Variants in SLC30A8 observed in about 807,000 individuals in gnomAD.
SLC30A8 encodes solute carrier family 30 member 8.
Under a neutral mutation model 36.9 loss-of-function variants are expected in SLC30A8, and 27 were observed. The observed-to-expected ratio is 0.73, with a 90% CI of 0.54 to 1.01. The LOEUF is 1.01. Ranked by LOEUF, SLC30A8 falls within the 50% of genes least tolerant of loss-of-function variation. SLC30A8 has a pLI of 0.00. For synonymous variants in SLC30A8, 164 were observed against 172.4 expected, an observed-to-expected ratio of 0.95 and a Z score of 0.38; for missense variants, 439 against 452.0, an observed-to-expected ratio of 0.97 and a Z score of 0.26.
At chr8:117,072,693 A>G (rs1818367484) in intron 2 of SLC30A8, among the ~76,000 whole-genome samples, 1 of 152,144 alleles carries the variant, frequency 6.6e-6, no homozygotes, top group Non-Finnish European at 1.5e-5. Flanking sequence ...GATGTTTTAT[A>G]GACCCATCTA....
intron 1 of SLC30A8, among the ~76,000 whole-genome samples, chr8:116,987,191 A>AG (rs1251593143): frequency 6.7e-6 from 1 of 149,854 alleles, no homozygotes; most frequent in Non-Finnish European, 1.5e-5. Context: ...TTTTATAATT[A>AG]GGGGAAGGTT....
intron 1 of SLC30A8, among the ~76,000 whole-genome samples, chr8:116,991,197 A>C (rs1317434814): frequency 6.6e-6 from 1 of 152,138 alleles, no homozygotes; most frequent in Non-Finnish European, 1.5e-5. Context: ...TTTTCCTTGC[A>C]CTTTTACTCT....
At chr8:117,101,671 C>T (rs572076235) in intron 2 of SLC30A8, among the ~76,000 whole-genome samples, 7 of 152,214 alleles carry the variant, frequency 4.6e-5, no homozygotes, top group African/African-American at 1.7e-4. Context: ...GACCCACCCT[C>T]AATCTAGGTG....
intron 1 of SLC30A8, among the ~76,000 whole-genome samples, chr8:117,031,878 T>G (rs1817062419): frequency 6.6e-6 from 1 of 152,088 alleles, no homozygotes; most frequent in Non-Finnish European, 1.5e-5. Flanking sequence ...TGTTGGGGAG[T>G]GGGCTGCTCT....
chr8:117,003,202 G>A (rs1816071516), intron 1 of SLC30A8, among the ~76,000 whole-genome samples: 1 of 152,120 alleles, frequency 6.6e-6, no homozygotes, highest in Non-Finnish European at 1.5e-5. Context: ...AGACCACAGT[G>A]GTTAATATGG....
intron 1 of SLC30A8, among the ~76,000 whole-genome samples, chr8:117,019,232 C>T (rs1292745568): frequency 1.3e-5 from 2 of 152,188 alleles, no homozygotes. Flanking sequence ...CTGGCAATAG[C>T]TGAAGCTCAA....
chr8:117,039,082 T>C (rs762777580), intron 1 of SLC30A8: 9 of 152,234 alleles, frequency 5.9e-5, no homozygotes, highest in Non-Finnish European at 1.3e-4. Flanking sequence ...TAATAAATGA[T>C]GATTTATTCC....
chr8:117,075,988 C>G (rs902428118), intron 2 of SLC30A8, among the ~76,000 whole-genome samples: 9 of 152,202 alleles, frequency 5.9e-5, no homozygotes, highest in Admixed American at 4.6e-4. Context: ...AATTTCCTCT[C>G]TCATTACTTT....
intron 2 of SLC30A8, among the ~76,000 whole-genome samples, chr8:117,084,540 C>T (rs1163525241): frequency 6.6e-6 from 1 of 152,162 alleles, no homozygotes; most frequent in Non-Finnish European, 1.5e-5. Context: ...GTCCATTGGT[C>T]AAGCCAAGCT....
intron 2 of SLC30A8, among the ~76,000 whole-genome samples, chr8:117,052,033 G>A (rs977273712): frequency 6.6e-5 from 10 of 151,982 alleles, no homozygotes; most frequent in Non-Finnish European, 2.9e-5. Flanking sequence ...TTTTGGAGAC[G>A]GAGTTCCACT....
intron 1 of SLC30A8, among the ~76,000 whole-genome samples, chr8:117,008,566 G>A (rs899012489): frequency 2.0e-5 from 3 of 152,212 alleles, no homozygotes; most frequent in Non-Finnish European, 4.4e-5. Flanking sequence ...AGATTGATAT[G>A]TCAAATGGTC....
At chr8:116,987,028 A>G (rs1815467857) in intron 1 of SLC30A8, among the ~76,000 whole-genome samples, 1 of 152,164 alleles carries the variant, frequency 6.6e-6, no homozygotes, top group African/African-American at 2.4e-5. Flanking sequence ...AAGTAAAGAC[A>G]CAATATGATA....
intron 1 of SLC30A8, among the ~76,000 whole-genome samples, chr8:117,139,189 T>A (rs1242297575): frequency 6.6e-6 from 1 of 152,086 alleles, no homozygotes; most frequent in African/African-American, 2.4e-5. Context: ...GATTGAATGT[T>A]TATGTCCCCC....
chr8:116,954,392 T>C (rs1034908496), intron 1 of SLC30A8, among the ~76,000 whole-genome samples: 2 of 152,066 alleles, frequency 1.3e-5, no homozygotes, highest in African/African-American at 4.8e-5. Flanking sequence ...AGGAATTGGA[T>C]AGAATCATCA....
chr8:117,136,160 T>C (rs1290208996), intron 1 of SLC30A8, among the ~76,000 whole-genome samples: 2 of 151,970 alleles, frequency 1.3e-5, no homozygotes, highest in Non-Finnish European at 2.9e-5. Context: ...GGAAGCTTTC[T>C]CAGAAGTAAT....
chr8:117,073,335 C>T (rs1357820685), intron 2 of SLC30A8, among the ~76,000 whole-genome samples: 4 of 151,684 alleles, frequency 2.6e-5, no homozygotes, highest in African/African-American at 9.7e-5. Context: ...CGGCTCACTG[C>T]AACTTCCTCC....
chr8:116,960,052 G>A (rs117242185), intron 1 of SLC30A8, among the ~76,000 whole-genome samples: 154 of 152,294 alleles, frequency 1.0e-3, no homozygotes, highest in Non-Finnish European at 1.5e-3. Context: ...GCAGTCATCT[G>A]GGTCACTTGT....
At chr8:117,016,612 A>G (rs1816528603) in intron 1 of SLC30A8, among the ~76,000 whole-genome samples, 1 of 152,248 alleles carries the variant, frequency 6.6e-6, no homozygotes, top group African/African-American at 2.4e-5. Flanking sequence ...TCATTTCAGC[A>G]GAGAATATCT....
intron 2 of SLC30A8, among the ~76,000 whole-genome samples, chr8:117,092,220 A>G (rs1400846228): frequency 2.6e-5 from 4 of 152,162 alleles, no homozygotes. Context: ...ACGAAATACA[A>G]ATTATATTTT....
Sources: gnomAD v4.1 joint callset for allele counts (sites outside exome capture counted in the v4.1 genomes callset) on GRCh38, gnomAD v4.1.1 for gene constraint, MANE v1.5 for transcripts, NCBI Gene and HGNC (gene_info 2026-07-23, HGNC 2026-07-21) for gene names.